Variants in COQ8A observed in about 807,000 individuals in gnomAD.
COQ8A encodes coenzyme Q8A.
In COQ8A, 51 loss-of-function variants were observed where a neutral mutation model predicts 65.0. The ratio of observed to expected loss-of-function variants is 0.78; its 90% CI spans 0.63 to 0.99. The LOEUF (loss-of-function observed/expected upper bound fraction) is 0.99. Ranked by LOEUF, COQ8A falls within the 50% of genes least tolerant of loss-of-function variation. The pLI is 0.00. For missense variants in COQ8A, 940 were observed against 875.0 expected, an observed-to-expected ratio of 1.07 and a Z score of -0.94; for synonymous variants, 371 against 353.2, an observed-to-expected ratio of 1.05 and a Z score of -0.57.
intron 14 of COQ8A, among the ~76,000 whole-genome samples, chr1:226,985,904 G>A (rs1660079415): frequency 2.0e-5 from 3 of 152,168 alleles, no homozygotes; most frequent in South Asian, 4.1e-4. Flanking sequence ...AGCGCTCAGC[G>A]GGCAGCAGCT....
chr1:226,942,294 C>T (rs1408307890), intron 1 of COQ8A, among the ~76,000 whole-genome samples: 2 of 151,894 alleles, frequency 1.3e-5, no homozygotes, highest in Admixed American at 1.3e-4. Context: ...TGGTAAAAGC[C>T]ATGTAGATTG....
At chr1:226,961,625 G>A in intron 2 of COQ8A, 63 bp downstream of exon 2, 1 of 1,535,076 alleles carries the variant, frequency 6.5e-7, no homozygotes, top group Non-Finnish European at 8.8e-7. Flanking sequence ...GAGCTCTGGG[G>A]GAGACCAAGG....
intron 4 of COQ8A, among the ~76,000 whole-genome samples, chr1:226,968,770 G>T (rs1243496926): frequency 2.0e-5 from 3 of 152,142 alleles, no homozygotes; most frequent in Admixed American, 6.5e-5. Context: ...AATTCCAGGG[G>T]CTCATTTTGA....
intron 8 of COQ8A, chr1:226,983,252 G>A (rs1659829737): frequency 9.0e-6 from 7 of 775,628 alleles, no homozygotes; most frequent in Non-Finnish European, 1.4e-5. Flanking sequence ...GGGGCCCCCA[G>A]CAAGCTTGAT....
chr1:226,965,828 C>T, intron 4 of COQ8A, 91 bp downstream of exon 4: 1 of 1,418,510 alleles, frequency 7.0e-7, no homozygotes, highest in Non-Finnish European at 9.8e-7. Context: ...CAGCAATATC[C>T]CGGGGAGGGC....
At chr1:226,983,360 G>A in intron 8 of COQ8A, 192 bp from the exon 9 acceptor site, 1 of 683,980 alleles carries the variant, frequency 1.5e-6, no homozygotes, top group Non-Finnish European at 2.6e-6. Flanking sequence ...GGTGAGGCAG[G>A]AGTAGGTGGA....
Position 226,986,787 on chromosome 1 carries a change from C to T in COQ8A, c.*50C>T, listed in dbSNP as rs1326342727. The T allele has an allele frequency of 1.9e-6, 3 of 1,592,368 alleles. No individual in the cohort carries two copies. The highest frequency in any genetic ancestry group is 3.5e-5 in the Admixed American group (2 of 57,922). ...CTCCGCGGGAACTCTCTCCCTCAGACAGGCCAAAAACCAGTAGCGAGGTCG... is the reference window on the plus strand; with the variant it reads ...CTCCGCGGGAACTCTCTCCCTCAGATAGGCCAAAAACCAGTAGCGAGGTCG... On this transcript the variant is annotated 3_prime_UTR_variant, in exon 15 of 15. Transcript: ENST00000366777.
intron 1 of COQ8A, among the ~76,000 whole-genome samples, chr1:226,958,690 T>A (rs1313422079): frequency 6.6e-6 from 1 of 152,144 alleles, no homozygotes; most frequent in Non-Finnish European, 1.5e-5. Flanking sequence ...TGAGCACCTG[T>A]CTCCCACCCC....
At position 226,984,885 on chromosome 1, in the gene COQ8A, T is replaced by C; in HGVS notation, c.1516T>C (p.Leu506=). ...YDPQQHKVAL[L]DFGATREYDR... ...GTGTCTCTGTCCCCAGGTGGCTCTT[T>C]TGGATTTTGGGGCAACGCGGGAATA... The change falls in exon 13 of 15, where the codon TTG becomes CTG. Residue 506 remains leucine, a synonymous_variant. Transcript: ENST00000366777. 2.5e-6 allele frequency: 4 copies of C among 1,614,118 alleles called. No homozygotes were observed. The highest frequency in any genetic ancestry group is 2.2e-5 in the East Asian group (1 of 44,882).
chr1:226,950,956 C>G (rs1357823956), intron 1 of COQ8A, among the ~76,000 whole-genome samples: 5 of 152,224 alleles, frequency 3.3e-5, no homozygotes, highest in East Asian at 1.9e-4. Flanking sequence ...CCCTTTCTTA[C>G]AAGGCATGAC....
chr1:226,960,358 T>C (rs1658121131), intron 1 of COQ8A, among the ~76,000 whole-genome samples: 1 of 72,582 alleles, frequency 1.4e-5, no homozygotes. Context: ...GTGGTGGTGG[T>C]GCTTGGTGGT....
Position 226,949,527 on chromosome 1 carries a change from C to T in COQ8A, c.-10+9128C>T, listed in dbSNP as rs912238157. ...CAGTGGACATTTGTGTCCCTGGTTT[C>T]GAAGCAGGCTGCCAGCACTTTGGAC... On this transcript the variant is annotated intron_variant, in intron 1 of 14. Transcript: ENST00000366777. This position sits in a 1 kb window ranked among gnomAD's most constrained non-coding sequence, Gnocchi z 4.0. Among the ~76,000 whole-genome samples, 5 of 152,058 alleles carry T rather than the reference C, an allele frequency of 3.3e-5. No homozygotes were observed. The highest frequency in any genetic ancestry group is 9.7e-5 in the African/African-American group (4 of 41,396).
At chr1:226,954,783 G>A (rs552842243) in intron 1 of COQ8A, among the ~76,000 whole-genome samples, 1 of 152,352 alleles carries the variant, frequency 6.6e-6, no homozygotes, top group East Asian at 1.9e-4. Flanking sequence ...GAAGACAGAT[G>A]TGGTCCTTGT....
Position 226,983,607 on chromosome 1 carries a change from T to A in COQ8A, c.1136T>A (p.Leu379Ter), listed in dbSNP as rs747150601. 15 of 1,613,880 alleles carry A rather than the reference T, an allele frequency of 9.3e-6. No individual in the cohort carries two copies. The highest frequency in any genetic ancestry group is 1.3e-5 in the African/African-American group (1 of 74,946). Residue 379 changes from leucine to a stop codon, truncating the protein, a stop_gained, in exon 9 of 15, where the codon TTG (leucine) becomes TAG (stop). Transcript: ENST00000366777. LOFTEE classifies it high-confidence loss of function. Reference sequence around the variant, plus strand: ...GATGTCAACAACCTCATGGCCGTGTTGAACATGAGCAACATGCTTCCAGAA... The same window carrying A: ...GATGTCAACAACCTCATGGCCGTGTAGAACATGAGCAACATGCTTCCAGAA... ...NSDVNNLMAVLNMSNMLPEGL... is the reference protein window; with the variant it reads ...NSDVNNLMAV
At position 226,982,780 on chromosome 1, in the gene COQ8A, T is replaced by C; in HGVS notation, c.939+17T>C. 1 of 1,613,380 alleles carries C rather than the reference T, an allele frequency of 6.2e-7. No homozygotes were observed. The highest frequency in any genetic ancestry group is 8.5e-7 in the Non-Finnish European group (1 of 1,179,942). Reference sequence around the variant, plus strand: ...CAGATGATGGTGAGGAGCCAGGGGCTCTGCCCACTCTCTGTGGCCTCGGCC... The same window carrying C: ...CAGATGATGGTGAGGAGCCAGGGGCCCTGCCCACTCTCTGTGGCCTCGGCC... On this transcript the variant is annotated intron_variant, in intron 7 of 14. Coordinates refer to ENST00000366777, the MANE Select transcript of COQ8A (RefSeq NM_020247.5).
In COQ8A at chr1:226,986,878, C is replaced by T. The variant is rs888520091; in HGVS notation, c.*141C>T. The T allele has an allele frequency of 2.3e-5, 23 of 1,013,896 alleles. No homozygotes were observed. Among genetic ancestry groups the T allele is most frequent in the Admixed American group, 1.1e-4 (5 of 44,444 alleles). The allele number at this position is 1,013,896 out of a possible 1,614,324, so 62.8% of individuals were successfully genotyped here. A position where few individuals can be genotyped will look rare whatever the true frequency, so the allele number is the denominator to read the frequency against. ...TGGCTGCCTGGAGCCCCGTAGCCAG[C>T]GCTTTCCACGGTTTCTGTTGCTAAA... is the stretch of plus-strand genomic sequence containing the variant. On this transcript the variant is annotated 3_prime_UTR_variant, in exon 15 of 15. Coordinates refer to ENST00000366777, the MANE Select transcript of COQ8A (RefSeq NM_020247.5).
chr1:226,977,510 C>T lies in COQ8A; in HGVS notation c.717C>T (p.Ser239=), dbSNP rs373518781. The T allele has an allele frequency of 1.2e-5, 19 of 1,562,412 alleles. No homozygotes were observed. The highest frequency in any genetic ancestry group is 7.1e-5 in the South Asian group (6 of 84,916). The change falls in exon 5 of 15, where the codon TCC becomes TCT. Residue 239 remains serine, a synonymous_variant. Transcript: ENST00000366777. ...LAEVAKKSLR[S]EDPSGKKAVL... Reference sequence around the variant, plus strand: ...AGGTCGCCAAGAAGAGCCTGCGCTCCGAGGACCCCTCAGGTGAGCCGGGCC... The same window carrying T: ...AGGTCGCCAAGAAGAGCCTGCGCTCTGAGGACCCCTCAGGTGAGCCGGGCC...
intron 5 of COQ8A, among the ~76,000 whole-genome samples, chr1:226,980,889 C>T (rs534480779): frequency 4.6e-5 from 7 of 152,256 alleles, no homozygotes; most frequent in South Asian, 4.1e-4. Flanking sequence ...AGGCTGCACC[C>T]GGCTCCGGGG....
chr1:226,962,749 C>T (rs1464032302), intron 2 of COQ8A, among the ~76,000 whole-genome samples: 1 of 152,222 alleles, frequency 6.6e-6, no homozygotes, highest in African/African-American at 2.4e-5. Context: ...TGTCACCAAG[C>T]ATACCTGCCT....
Sources: gnomAD v4.1 joint callset for allele counts (sites outside exome capture counted in the v4.1 genomes callset) on GRCh38, gnomAD v4.1.1 for gene constraint, Gnocchi (gnomAD v3.1) non-coding constraint, MANE v1.5 for transcripts, NCBI Gene and HGNC (gene_info 2026-07-23, HGNC 2026-07-21) for gene names.